Variants in YES1 observed in about 807,000 individuals in gnomAD.
YES1 encodes tyrosine-protein kinase Yes.
In YES1, 39 loss-of-function variants were observed where a neutral mutation model predicts 70.4. The observed-to-expected ratio is 0.55, with a 90% CI of 0.43 to 0.72. The LOEUF (loss-of-function observed/expected upper bound fraction) is 0.72. Among genes scored for constraint, YES1 ranks in the 30% least tolerant of loss-of-function variants. The probability of loss-of-function intolerance (pLI) is 0.00; values close to 1 mark genes in which losing one functional copy is unlikely to be tolerated. For synonymous variants in YES1, 198 were observed against 218.6 expected, an observed-to-expected ratio of 0.91 and a Z score of 0.83; for missense variants, 495 against 644.8, an observed-to-expected ratio of 0.77 and a Z score of 2.52.
At chr18:808,507 C>T (rs571620073) in intron 1 of YES1, among the ~76,000 whole-genome samples, 14 of 152,290 alleles carry the variant, frequency 9.2e-5, no homozygotes, top group African/African-American at 3.4e-4. Flanking sequence ...AGCAGTTGTG[C>T]CTCGCTATAG....
At chr18:811,514 A>AGGC (rs945521552) in intron 1 of YES1, among the ~76,000 whole-genome samples, 6 of 152,246 alleles carry the variant, frequency 3.9e-5, no homozygotes, top group Non-Finnish European at 7.3e-5. Flanking sequence ...ACGCAACGGG[A>AGGC]GGCGGAGTGG....
At chr18:771,231 GT>G (rs1261756159) in intron 1 of YES1, among the ~76,000 whole-genome samples, 3 of 152,136 alleles carry the variant, frequency 2.0e-5, no homozygotes, top group Middle Eastern at 6.8e-3. Context: ...GCTGGGCATG[GT>G]GGTGCATGCC....
intron 1 of YES1, among the ~76,000 whole-genome samples, chr18:765,327 GCAAA>G (rs1904848690): frequency 1.5e-5 from 2 of 130,572 alleles, no homozygotes; most frequent in Non-Finnish European, 3.2e-5. Context: ...GAAACATGAA[GCAAA>G]CAGAGAAAAT....
intron 11 of YES1, among the ~76,000 whole-genome samples, chr18:729,419 G>T (rs2080060529): frequency 1.3e-5 from 2 of 150,952 alleles, no homozygotes; most frequent in African/African-American, 4.9e-5. Flanking sequence ...TGTCCCAAAA[G>T]AAAATAAATA....
At chr18:794,595 T>C (rs930141424) in intron 1 of YES1, among the ~76,000 whole-genome samples, 2 of 152,158 alleles carry the variant, frequency 1.3e-5, no homozygotes, top group East Asian at 1.9e-4. Flanking sequence ...AAATTTATTA[T>C]GTCATAGTTC....
At chr18:784,531 A>T (rs879885664) in intron 1 of YES1, among the ~76,000 whole-genome samples, 2 of 152,246 alleles carry the variant, frequency 1.3e-5, no homozygotes, top group Non-Finnish European at 2.9e-5. Flanking sequence ...TTTATCTTAC[A>T]GTTCAGAAGT....
intron 1 of YES1, among the ~76,000 whole-genome samples, chr18:757,375 C>T (rs1004772674): frequency 7.2e-5 from 11 of 151,866 alleles, no homozygotes; most frequent in Admixed American, 1.3e-4. Context: ...TGGTGGTGGG[C>T]GCCTGTAGTC....
intron 1 of YES1, among the ~76,000 whole-genome samples, chr18:789,012 ATT>A (rs1906105656): frequency 6.6e-6 from 1 of 152,196 alleles, no homozygotes; most frequent in South Asian, 2.1e-4. Flanking sequence ...GATTTATCAT[ATT>A]ATGGCCCCCA....
At chr18:748,066 G>A (rs775375757) in intron 3 of YES1, 48 bp from the exon 4 acceptor site, 29 of 1,514,994 alleles carry the variant, frequency 1.9e-5, no homozygotes, top group Non-Finnish European at 2.7e-5. Context: ...TATTGCCCAA[G>A]GTACAATATA....
rs557816683 is a variant in YES1 at position 777,847 on chromosome 18, A to G, written c.-8-21012T>C. Among the ~76,000 whole-genome samples the G allele has an allele frequency of 1.5e-4, 23 of 152,014 alleles. No homozygotes were observed. The South Asian group carries it at 4.8e-3, about 32-fold the overall frequency. On this transcript the variant is annotated intron_variant, in intron 1 of 11. Transcript: ENST00000314574. ...AAAAATTAAAAAAAGAATTACCTAT[A>G]TCAGAACATACTTTATAGCAGCATG...
intron 11 of YES1, among the ~76,000 whole-genome samples, chr18:725,062 C>T (rs62091703): frequency 0.13 from 19,800 of 152,126 alleles, 1,410 homozygotes; most frequent in East Asian, 0.28. Flanking sequence ...CCAAATATAC[C>T]AACTACATAA....
chr18:770,926 G>A (rs1394974487), intron 1 of YES1, among the ~76,000 whole-genome samples: 1 of 151,602 alleles, frequency 6.6e-6, no homozygotes, highest in African/African-American at 2.4e-5. Flanking sequence ...TGGGAGAACA[G>A]CTTGAGGGCA....
chr18:757,505 A>AC (rs1904351734), intron 1 of YES1, among the ~76,000 whole-genome samples: 1 of 148,858 alleles, frequency 6.7e-6, no homozygotes, highest in Non-Finnish European at 1.5e-5. Context: ...TCCGTCTCAA[A>AC]AAAAAAAAAA....
chr18:785,078 A>G (rs1905866296), intron 1 of YES1, among the ~76,000 whole-genome samples: 1 of 152,088 alleles, frequency 6.6e-6, no homozygotes, highest in Non-Finnish European at 1.5e-5. Context: ...GAGGATCATG[A>G]GTGTCCAACC....
At chr18:810,770 A>G (rs1409564487) in intron 1 of YES1, among the ~76,000 whole-genome samples, 1 of 152,190 alleles carries the variant, frequency 6.6e-6, no homozygotes, top group African/African-American at 2.4e-5. Context: ...GGGGTCTCAC[A>G]CTTATAAGCA....
intron 2 of YES1, among the ~76,000 whole-genome samples, chr18:753,035 A>G (rs1017005829): frequency 2.0e-5 from 3 of 152,238 alleles, no homozygotes; most frequent in African/African-American, 7.2e-5. Context: ...GCAGATGCTT[A>G]AAGAGATTAG....
intron 1 of YES1, among the ~76,000 whole-genome samples, chr18:784,637 C>T (rs1415683554): frequency 1.3e-5 from 2 of 152,240 alleles, no homozygotes; most frequent in African/African-American, 4.8e-5. Flanking sequence ...CCCTTTCTAG[C>T]TTGTGGGGGC....
In YES1 at chr18:763,473, T is replaced by C. The variant is rs529728871; in HGVS notation, c.-8-6638A>G. On this transcript the variant is annotated intron_variant, in intron 1 of 11. Transcript: ENST00000314574. ...ATTTTGGGAAGCTGAGGTGGAAAGATTGCTTGAGCCTAGAAATTTGAGAGC... is the reference window on the plus strand; with the variant it reads ...ATTTTGGGAAGCTGAGGTGGAAAGACTGCTTGAGCCTAGAAATTTGAGAGC... Among the ~76,000 whole-genome samples, 21 of 152,132 alleles carry C rather than the reference T, an allele frequency of 1.4e-4. 1 individual carries two copies. Among genetic ancestry groups the C allele is most frequent in the South Asian group, 1.0e-3 (5 of 4,812 alleles).
intron 1 of YES1, among the ~76,000 whole-genome samples, chr18:780,907 A>G (rs1398913122): frequency 1.3e-5 from 2 of 152,168 alleles, no homozygotes; most frequent in Non-Finnish European, 2.9e-5. Context: ...AAGAAAGTCT[A>G]ATTATGAGCC....
Sources: allele counts gnomAD v4.1 joint callset (sites outside exome capture counted in the v4.1 genomes callset), GRCh38; gene constraint gnomAD v4.1.1; transcripts MANE v1.5; gene names NCBI Gene and HGNC (gene_info 2026-07-23, HGNC 2026-07-21).